Variants in ST3GAL4 observed in about 807,000 individuals in gnomAD.
ST3GAL4 encodes ST3 beta-galactoside alpha-2,3-sialyltransferase 4.
ST3GAL4 carries 24 observed loss-of-function variants against 42.6 expected under a neutral mutation model. That is an observed-to-expected ratio of 0.56 (90% CI 0.41 to 0.79). ST3GAL4 has a LOEUF of 0.79. ST3GAL4 is among the 30% of genes least tolerant of loss of function. ST3GAL4 has a pLI of 0.00. For synonymous variants in ST3GAL4, 135 were observed against 163.2 expected (o/e 0.83, Z 1.32); for missense variants, 311 against 430.8 (o/e 0.72, Z 2.46).
chr11:126,405,705 T>G, intron 1 of ST3GAL4: 3 of 237,562 alleles, frequency 1.3e-5, no homozygotes, highest in Admixed American at 5.2e-5. Context: ...ACACAGTGAG[T>G]TGGCTAACTT....
intron 1 of ST3GAL4, among the ~76,000 whole-genome samples, chr11:126,390,618 C>CTTTTTTTTGTTTT (rs1953463970): frequency 7.9e-6 from 1 of 126,686 alleles, no homozygotes; most frequent in African/African-American, 3.2e-5. Context: ...GTGTTCTTTG[C>CTTTTTTTTGTTTT]TTTTTTTTTT....
rs1953112171 is a variant in ST3GAL4, at chr11:126,383,923, C to G, written c.-60-22173C>G. ...AACTGGAGAGGGACTCTCTTGCCGC[C>G]TTCTCTGTTCCTGGGGACAGGCTGC... On this transcript the variant is annotated intron_variant, in intron 1 of 10. Transcript: ENST00000444328. This position sits in a 1 kb window ranked among gnomAD's most constrained non-coding sequence, Gnocchi z 4.5. 6.6e-6 allele frequency among the ~76,000 whole-genome samples: 1 copy of G among 152,142 alleles called. No homozygotes were observed. Among genetic ancestry groups the G allele is most frequent in the African/African-American group, 2.4e-5 (1 of 41,386 alleles).
intron 1 of ST3GAL4, among the ~76,000 whole-genome samples, chr11:126,387,244 A>G (rs1045022488): frequency 6.6e-6 from 1 of 152,144 alleles, no homozygotes; most frequent in African/African-American, 2.4e-5. Context: ...AAAACCTGAC[A>G]CCTGGAAAGG....
At chr11:126,395,406 G>C (rs1328492006) in intron 1 of ST3GAL4, among the ~76,000 whole-genome samples, 1 of 152,162 alleles carries the variant, frequency 6.6e-6, no homozygotes, top group Non-Finnish European at 1.5e-5. Flanking sequence ...CCAGGCCCAT[G>C]TCTACAGAAA....
chr11:126,357,576 G>A (rs919685683), intron 1 of ST3GAL4, among the ~76,000 whole-genome samples: 5 of 152,106 alleles, frequency 3.3e-5, no homozygotes, highest in African/African-American at 2.4e-5. Flanking sequence ...CCGTGCCCCC[G>A]CCAGCCTCCC....
At chr11:126,388,797 T>C in intron 1 of ST3GAL4, among the ~76,000 whole-genome samples, 1 of 82,346 alleles carries the variant, frequency 1.2e-5, no homozygotes, top group Non-Finnish European at 2.3e-5. Context: ...TTGAGACGGA[T>C]TTTTGTTCTT....
intron 1 of ST3GAL4, among the ~76,000 whole-genome samples, chr11:126,368,359 A>G (rs1320407378): frequency 1.3e-5 from 2 of 152,218 alleles, no homozygotes; most frequent in Admixed American, 6.5e-5. Context: ...AGATTCTGCC[A>G]TGCCACAGTG....
Position 126,414,519 on chromosome 11 carries a change from G to T in ST3GAL4, c.*472G>T, listed in dbSNP as rs1954656513. ...GAATGGGTGGGTGCCCTCCAGAGAG[G>T]GGCTGCTACCTCCCAGCAGGCATGG... is the stretch of plus-strand genomic sequence containing the variant. On this transcript the variant is annotated 3_prime_UTR_variant, in exon 11 of 11. Transcript: ENST00000444328. The T allele has an allele frequency of 6.0e-6, 1 of 166,892 alleles. No homozygotes were observed. The highest frequency in any genetic ancestry group is 1.3e-5 in the Non-Finnish European group (1 of 76,470). The allele number at this position is 166,892 out of a possible 1,614,324, so 10.3% of individuals were successfully genotyped here.
At position 126,371,458 on chromosome 11, in the gene ST3GAL4, T is replaced by C. The variant is rs564155854; in HGVS notation, c.-61+15616T>C. 5.9e-5 allele frequency among the ~76,000 whole-genome samples: 9 copies of C among 152,306 alleles called. No individual in the cohort carries two copies. In the South Asian group the frequency reaches 8.3e-4, roughly 14 times the overall value. ...GATTATAGGCGTGAGCCACCGCGCC[T>C]GGCCTATTCTTTCATCATACACATA... is the stretch of plus-strand genomic sequence containing the variant. On this transcript the variant is annotated intron_variant, in intron 1 of 10. Coordinates refer to ENST00000444328, the MANE Select transcript of ST3GAL4 (RefSeq NM_001254757.2).
chr11:126,367,131 G>A (rs1340370580), intron 1 of ST3GAL4, among the ~76,000 whole-genome samples: 1 of 152,134 alleles, frequency 6.6e-6, no homozygotes, highest in African/African-American at 2.4e-5. Context: ...GGATCCGTGT[G>A]CCAGCCCTTC....
In ST3GAL4 at chr11:126,359,729, CTCCCTCCTTCCCTCCT is replaced by C. The variant is rs149358402; in HGVS notation, c.-61+3908_-61+3923del. On this transcript the variant is annotated intron_variant, in intron 1 of 10. Transcript: ENST00000444328. This position sits in a 1 kb window ranked among gnomAD's most constrained non-coding sequence, Gnocchi z 4.8. ...GCGGGGCAGGACAAGGTTCTTCTCC[CTCCCTCCTTCCCTCCT>C]TCCCTCCTTCCCTCCTTCCCCGTGG... Among the ~76,000 whole-genome samples the C allele has an allele frequency of 1.5e-4, 22 of 151,474 alleles. No individual in the cohort carries two copies. Among genetic ancestry groups the C allele is most frequent in the East Asian group, 9.9e-4 (5 of 5,044 alleles).
At chr11:126,390,044 G>A (rs531840430) in intron 1 of ST3GAL4, among the ~76,000 whole-genome samples, 6 of 137,534 alleles carry the variant, frequency 4.4e-5, no homozygotes, top group African/African-American at 8.0e-5. Context: ...TTAGCTGGGC[G>A]CGGTGGGGGG....
In ST3GAL4 at chr11:126,383,242, G is replaced by A. The variant is rs1020370388; in HGVS notation, c.-60-22854G>A. 2.0e-5 allele frequency among the ~76,000 whole-genome samples: 3 copies of A among 152,190 alleles called. No individual in the cohort carries two copies. The highest frequency in any genetic ancestry group is 4.4e-5 in the Non-Finnish European group (3 of 68,020). Reference sequence around the variant, plus strand: ...AGCTGAGCCTGGCTGGGCAGAGGGCGAGGAGCCCAGGATTCCCCTTTCCGT... The same window carrying A: ...AGCTGAGCCTGGCTGGGCAGAGGGCAAGGAGCCCAGGATTCCCCTTTCCGT... On this transcript the variant is annotated intron_variant, in intron 1 of 10. Transcript: ENST00000444328. The surrounding 1 kb of genome is among the most constrained non-coding windows in gnomAD (Gnocchi z 4.5).
intron 1 of ST3GAL4, among the ~76,000 whole-genome samples, chr11:126,388,059 C>G (rs1953298532): frequency 6.6e-6 from 1 of 152,212 alleles, no homozygotes; most frequent in Non-Finnish European, 1.5e-5. Flanking sequence ...TGTTGAAGAT[C>G]CTGACAGACA....
chr11:126,383,467 C>G lies in ST3GAL4; in HGVS notation c.-60-22629C>G, dbSNP rs972388264. 1.3e-5 allele frequency among the ~76,000 whole-genome samples: 2 copies of G among 152,148 alleles called. No individual in the cohort carries two copies. Among genetic ancestry groups the G allele is most frequent in the Admixed American group, 1.3e-4 (2 of 15,284 alleles). On this transcript the variant is annotated intron_variant, in intron 1 of 10. Transcript: ENST00000444328. The surrounding 1 kb of genome is among the most constrained non-coding windows in gnomAD (Gnocchi z 4.5). Reference sequence around the variant, plus strand: ...AGCTGAGCCCAGCCCCCGGCCAGCCCTGAGGAATGGGGGAAAAGAGTGCCC... The same window carrying G: ...AGCTGAGCCCAGCCCCCGGCCAGCCGTGAGGAATGGGGGAAAAGAGTGCCC...
rs549582286 is a variant in ST3GAL4 at position 126,409,905 on chromosome 11, T to G, written c.771+494T>G. 3.3e-5 allele frequency among the ~76,000 whole-genome samples: 5 copies of G among 152,018 alleles called. No individual in the cohort carries two copies. The South Asian group carries it at 6.2e-4, about 19-fold the overall frequency. On this transcript the variant is annotated intron_variant, in intron 9 of 10. Transcript: ENST00000444328. This position sits in a 1 kb window ranked among gnomAD's most constrained non-coding sequence, Gnocchi z 4.9. ...TCAATGTAGTTTTGCAAGTTATGGG[T>G]TTTTGTTTTGTTTTAAAGATAGCGT...
rs900633870 is a variant in ST3GAL4, at chr11:126,376,127, C to T, written c.-61+20285C>T. On this transcript the variant is annotated intron_variant, in intron 1 of 10. Transcript: ENST00000444328. This position sits in a 1 kb window ranked among gnomAD's most constrained non-coding sequence, Gnocchi z 5.1. The stretch of plus-strand genomic sequence containing the variant: ...TAGGAAAACACAGAATTATATAATA[C>T]GAAATTACATTATATCATAGAGCAT... Among the ~76,000 whole-genome samples, 5 of 151,022 alleles carry T rather than the reference C, an allele frequency of 3.3e-5. No individual in the cohort carries two copies. Among genetic ancestry groups the T allele is most frequent in the African/African-American group, 4.9e-5 (2 of 40,428 alleles).
chr11:126,375,869 CTT>C (rs11443803), intron 1 of ST3GAL4, among the ~76,000 whole-genome samples: 17,772 of 122,216 alleles, frequency 0.15, 741 homozygotes, highest in East Asian at 0.33. Context: ...CCTTTTCTTC[CTT>C]TTTTTTTTTT....
rs1407252242 is a variant in ST3GAL4, at chr11:126,379,810, G to C, written c.-61+23968G>C. On this transcript the variant is annotated intron_variant, in intron 1 of 10. Coordinates refer to ENST00000444328, the MANE Select transcript of ST3GAL4 (RefSeq NM_001254757.2). This position sits in a 1 kb window ranked among gnomAD's most constrained non-coding sequence, Gnocchi z 4.2. ...CTTAATTTTAAATCACATGTGGATT[G>C]ACAAGTCCAAAACTCTAAGAGAGCT... is the stretch of plus-strand genomic sequence containing the variant. 1.3e-5 allele frequency among the ~76,000 whole-genome samples: 2 copies of C among 152,084 alleles called. No individual in the cohort carries two copies. Among genetic ancestry groups the C allele is most frequent in the African/African-American group, 4.8e-5 (2 of 41,414 alleles).
Sources: allele counts gnomAD v4.1 joint callset (sites outside exome capture counted in the v4.1 genomes callset), GRCh38; gene constraint gnomAD v4.1.1; non-coding constraint Gnocchi (gnomAD v3.1); transcripts MANE v1.5; gene names NCBI Gene and HGNC (gene_info 2026-07-23, HGNC 2026-07-21).